POU6F2: variants seen among roughly 807,000 people sequenced by gnomAD.
The protein encoded by POU6F2 is POU class 6 homeobox 2.
POU6F2 carries 31 observed loss-of-function variants against 71.3 expected under a neutral mutation model. That is an observed-to-expected ratio of 0.43 (90% CI 0.33 to 0.59). The LOEUF (loss-of-function observed/expected upper bound fraction) is 0.59, where lower values mean the gene tolerates loss of function less well. POU6F2 is among the 20% of genes least tolerant of loss of function. The pLI is 0.04. For synonymous variants in POU6F2, 347 were observed against 355.7 expected (o/e 0.98, Z 0.27); for missense variants, 783 against 856.8 (o/e 0.91, Z 1.07).
intron 4 of POU6F2, among the ~76,000 whole-genome samples, chr7:39,295,551 G>C (rs916994439): frequency 6.6e-6 from 1 of 152,228 alleles, no homozygotes; most frequent in African/African-American, 2.4e-5. Flanking sequence ...GGGAGGTGGA[G>C]GTTGCAGTGA....
At chr7:39,037,826 A>G (rs10277485) in intron 1 of POU6F2, among the ~76,000 whole-genome samples, 136,290 of 152,000 alleles carry the variant, frequency 0.9, 61,155 homozygotes, top group East Asian at 1. Context: ...TACCATCAGT[A>G]GAGGTTAGGA....
chr7:39,085,111 G>C (rs139355514), intron 1 of POU6F2: 2 of 151,900 alleles, frequency 1.3e-5, no homozygotes, highest in Admixed American at 1.3e-4. Flanking sequence ...CTAGGTATCC[G>C]AATTATTGAA....
intron 5 of POU6F2, among the ~76,000 whole-genome samples, chr7:39,393,534 A>T (rs1051043169): frequency 6.6e-6 from 1 of 152,150 alleles, no homozygotes; most frequent in Admixed American, 6.5e-5. Context: ...TCTTCTCCCT[A>T]TAGTTAAAAT....
At chr7:39,335,979 G>A (rs1323269455) in intron 4 of POU6F2, among the ~76,000 whole-genome samples, 4 of 152,166 alleles carry the variant, frequency 2.6e-5, no homozygotes, top group African/African-American at 9.7e-5. Flanking sequence ...GCCCTTGCTG[G>A]TGGCTGCCCT....
At chr7:39,220,896 A>G (rs529475215) in intron 4 of POU6F2, among the ~76,000 whole-genome samples, 128 of 152,258 alleles carry the variant, frequency 8.4e-4, no homozygotes, top group African/African-American at 2.8e-3. Context: ...GCTATTGGGC[A>G]TTTAAAATGT....
At chr7:39,195,886 C>T (rs1793778078) in intron 2 of POU6F2, among the ~76,000 whole-genome samples, 1 of 152,070 alleles carries the variant, frequency 6.6e-6, no homozygotes. Context: ...ACTAGCTCTC[C>T]TCACTTCGCC....
chr7:39,074,521 C>T (rs1397781590), intron 1 of POU6F2, among the ~76,000 whole-genome samples: 3 of 152,004 alleles, frequency 2.0e-5, no homozygotes. Flanking sequence ...TGTCTTTCTT[C>T]TTTTATCTTT....
chr7:38,993,362 T>C (rs1788652232), intron 1 of POU6F2, among the ~76,000 whole-genome samples: 1 of 152,166 alleles, frequency 6.6e-6, no homozygotes, highest in Non-Finnish European at 1.5e-5. Context: ...GCAGTGTTGA[T>C]TGGTTTCATT....
At chr7:39,178,441 T>C (rs995981601) in intron 2 of POU6F2, among the ~76,000 whole-genome samples, 1 of 152,148 alleles carries the variant, frequency 6.6e-6, no homozygotes, top group Non-Finnish European at 1.5e-5. Context: ...TTTCTAAGTA[T>C]TATAACATTT....
intron 7 of POU6F2, among the ~76,000 whole-genome samples, chr7:39,448,265 C>G (rs1387236360): frequency 2.0e-5 from 3 of 152,184 alleles, no homozygotes; most frequent in African/African-American, 7.2e-5. Context: ...TCTATCTCAG[C>G]TTGCAAATGA....
intron 4 of POU6F2, among the ~76,000 whole-genome samples, chr7:39,319,088 C>T (rs1785331098): frequency 6.6e-6 from 1 of 152,290 alleles, no homozygotes; most frequent in East Asian, 1.9e-4. Context: ...GCCATGATCA[C>T]ACCACTGCAC....
chr7:39,380,582 T>G (rs1249127304), intron 5 of POU6F2, among the ~76,000 whole-genome samples: 4 of 152,158 alleles, frequency 2.6e-5, no homozygotes, highest in Non-Finnish European at 5.9e-5. Context: ...AAGGACAACA[T>G]CAGTGTGAGA....
chr7:39,048,300 A>G (rs536302967), intron 1 of POU6F2, among the ~76,000 whole-genome samples: 2 of 151,782 alleles, frequency 1.3e-5, no homozygotes, highest in South Asian at 2.1e-4. Flanking sequence ...AGATTATTTC[A>G]TCACCCAGGT....
intron 2 of POU6F2, among the ~76,000 whole-genome samples, chr7:39,119,761 G>A (rs556183842): frequency 6.6e-6 from 1 of 152,304 alleles, no homozygotes; most frequent in South Asian, 2.1e-4. Context: ...CAGACCTAAA[G>A]AATAGGTATT....
chr7:39,047,026 A>C (rs930332069), intron 1 of POU6F2, among the ~76,000 whole-genome samples: 1 of 151,890 alleles, frequency 6.6e-6, no homozygotes, highest in Non-Finnish European at 1.5e-5. Flanking sequence ...TAAACATTTA[A>C]TTCTGGAATT....
rs529696073 is a variant in POU6F2 at position 39,310,987 on chromosome 7, G to A, written c.599-28655G>A. On this transcript the variant is annotated intron_variant, in intron 4 of 9. Coordinates refer to ENST00000518318, the MANE Select transcript of POU6F2 (RefSeq NM_001370959.1). The stretch of plus-strand genomic sequence containing the variant: ...TGAAAGCGACTCATCCTGAATTGGG[G>A]GGACAGTTAGGAGGGTGATCCTCCA... 7.2e-5 allele frequency among the ~76,000 whole-genome samples: 11 copies of A among 152,278 alleles called. No individual in the cohort carries two copies. The South Asian group carries it at 2.3e-3, about 32-fold the overall frequency.
chr7:39,274,198 TA>T (rs1784392482), intron 4 of POU6F2, among the ~76,000 whole-genome samples: 1 of 151,764 alleles, frequency 6.6e-6, no homozygotes, highest in Non-Finnish European at 1.5e-5. Flanking sequence ...ATAGACACAA[TA>T]AAAAATGATA....
At chr7:39,025,164 T>C (rs2128707554) in intron 1 of POU6F2, among the ~76,000 whole-genome samples, 1 of 152,334 alleles carries the variant, frequency 6.6e-6, no homozygotes. Context: ...AAGCTATTGA[T>C]TATTGCTGCA....
chr7:39,132,872 CT>C (rs577219636), intron 2 of POU6F2, among the ~76,000 whole-genome samples: 4 of 152,072 alleles, frequency 2.6e-5, no homozygotes, highest in African/African-American at 9.7e-5. Context: ...TCAGGACTGC[CT>C]TTTTTCCCCC....
Sources: allele counts gnomAD v4.1 joint callset (sites outside exome capture counted in the v4.1 genomes callset), GRCh38; gene constraint gnomAD v4.1.1; transcripts MANE v1.5; gene names NCBI Gene and HGNC (gene_info 2026-07-23, HGNC 2026-07-21).